KBTBD8: variants seen among roughly 807,000 people sequenced by gnomAD.
The protein encoded by KBTBD8 is kelch repeat and BTB domain containing 8.
Under a neutral mutation model 53.5 loss-of-function variants are expected in KBTBD8, and 31 were observed. The ratio of observed to expected loss-of-function variants is 0.58; its 90% CI spans 0.44 to 0.78. The LOEUF (loss-of-function observed/expected upper bound fraction) is 0.78, where lower values mean the gene tolerates loss of function less well. Ranked by LOEUF, KBTBD8 falls within the 30% of genes least tolerant of loss-of-function variation. The probability of loss-of-function intolerance (pLI) is 0.00; values close to 1 mark genes in which losing one functional copy is unlikely to be tolerated. For synonymous variants in KBTBD8, 250 were observed against 247.3 expected, an observed-to-expected ratio of 1.01 and a Z score of -0.10; for missense variants, 642 against 735.8, an observed-to-expected ratio of 0.87 and a Z score of 1.48.
At chr3:66,998,618 G>A (rs1701984556) in intron 1 of KBTBD8, among the ~76,000 whole-genome samples, 1 of 152,156 alleles carries the variant, frequency 6.6e-6, no homozygotes, top group South Asian at 2.1e-4. Context: ...GCGGCTTGAG[G>A]GGGCACCGGC....
rs1701992218 is a variant in KBTBD8, at chr3:66,999,155, A to G, written c.191A>G (p.His64Arg). ...EVDHGKTFSC[H>R]RNVLAAISPY... ...GATCACGGGAAAACATTTTCCTGTCATAGAAACGTTCTTGCTGCAATCAGC... is the reference window on the plus strand; with the variant it reads ...GATCACGGGAAAACATTTTCCTGTCGTAGAAACGTTCTTGCTGCAATCAGC... Residue 64 changes from histidine (H) to arginine (R), a missense_variant, in exon 2 of 4, where the codon CAT becomes CGT. By Grantham distance (29) the His-to-Arg change is conservative. Transcript: ENST00000417314. 1.2e-6 allele frequency: 2 copies of G among 1,614,108 alleles called. No homozygotes were observed. Among genetic ancestry groups the G allele is most frequent in the African/African-American group, 1.3e-5 (1 of 74,940 alleles).
Position 67,003,667 on chromosome 3 carries a change from G to T in KBTBD8, c.700G>T (p.Glu234Ter). ...EQNEREVHLPEIFAKCIRFPL... is the reference protein window; with the variant it reads ...EQNEREVHLP ...GAATGAAAGAGAAGTGCACCTTCCA[G>T]AAATTTTTGCTAAATGCATACGTTT... The change falls in exon 3 of 4, where the codon GAA becomes TAA. Residue 234 changes from glutamate to a stop codon, truncating the protein, a stop_gained. Transcript: ENST00000417314. LOFTEE classifies it high-confidence loss of function. 6.2e-7 allele frequency: 1 copy of T among 1,614,108 alleles called. No homozygotes were observed. The highest frequency in any genetic ancestry group is 1.1e-5 in the South Asian group (1 of 91,078).
intron 1 of KBTBD8, 28 bp downstream of exon 1, chr3:66,998,399 T>G (rs1480508398): frequency 9.1e-6 from 11 of 1,210,858 alleles, no homozygotes; most frequent in African/African-American, 7.5e-5. Context: ...CAGGGCGGCG[T>G]GGAGGGAGGT....
chr3:67,007,493 A>G (rs1702078756), intron 3 of KBTBD8, among the ~76,000 whole-genome samples: 1 of 151,836 alleles, frequency 6.6e-6, no homozygotes, highest in Non-Finnish European at 1.5e-5. Flanking sequence ...TAATTTTTGT[A>G]TTTTTAATGG....
In KBTBD8 at chr3:67,008,107, A is replaced by T; in HGVS notation, c.1528A>T (p.Thr510Ser). The T allele has an allele frequency of 6.2e-7, 1 of 1,614,062 alleles. No individual in the cohort carries two copies. Among genetic ancestry groups the T allele is most frequent in the Non-Finnish European group, 8.5e-7 (1 of 1,180,006 alleles). ...CTATGATATTGAGCTAAATAAATGG[A>T]CTCGTAAGAAAGACTTTCCATGTGA... ...EAYDIELNKW[T>S]RKKDFPCDQS... is the part of the protein sequence containing the mutation. Residue 510 changes from threonine (T) to serine (S), a missense_variant, in exon 4 of 4, where the codon ACT becomes TCT. Coordinates refer to ENST00000417314, the MANE Select transcript of KBTBD8 (RefSeq NM_032505.3).
Position 67,003,854 on chromosome 3 carries a change from A to C in KBTBD8, c.887A>C (p.Lys296Thr). ...ATCATATGTTTTGATGCTGCCCACAAACACTCAGGAAAGAAGCAAACAGTG... is the reference window on the plus strand; with the variant it reads ...ATCATATGTTTTGATGCTGCCCACACACACTCAGGAAAGAAGCAAACAGTG... ...EMIICFDAAH[K>T]HSGKKQTVPC... The change falls in exon 3 of 4, where the codon AAA becomes ACA. Residue 296 changes from lysine (K) to threonine (T), a missense_variant. By Grantham distance (78) the Lys-to-Thr change is moderately conservative. Coordinates refer to ENST00000417314, the MANE Select transcript of KBTBD8 (RefSeq NM_032505.3). The C allele has an allele frequency of 6.2e-7, 1 of 1,614,230 alleles. No homozygotes were observed. The highest frequency in any genetic ancestry group is 8.5e-7 in the Non-Finnish European group (1 of 1,180,046).
intron 2 of KBTBD8, among the ~76,000 whole-genome samples, chr3:67,002,255 T>C (rs147771294): frequency 1.6e-3 from 238 of 152,284 alleles, no homozygotes; most frequent in African/African-American, 5.3e-3. Context: ...GCAAATGTTC[T>C]CAAAATTTCC....
chr3:67,003,788 A>G lies in KBTBD8; in HGVS notation c.821A>G (p.Asn274Ser), dbSNP rs762531602. 1.6e-5 allele frequency: 26 copies of G among 1,614,060 alleles called. No individual in the cohort carries two copies. Among genetic ancestry groups the G allele is most frequent in the Non-Finnish European group, 2.0e-5 (24 of 1,180,026 alleles). The change falls in exon 3 of 4, where the codon AAT becomes AGT. Residue 274 changes from asparagine to serine, a missense_variant. By Grantham distance (46) the Asn-to-Ser change is conservative. Coordinates refer to ENST00000417314, the MANE Select transcript of KBTBD8 (RefSeq NM_032505.3). ...GTAGAAAAGGGACCATCCAACACCAATGGCTGTACACAGAGGCTTGGAATG... is the reference window on the plus strand; with the variant it reads ...GTAGAAAAGGGACCATCCAACACCAGTGGCTGTACACAGAGGCTTGGAATG... ...SCVEKGPSNT[N>S]GCTQRLGMTA...
Position 67,009,658 on chromosome 3 carries a change from A to AT in KBTBD8, c.*1279dup, listed in dbSNP as rs1236178232. The AT allele has an allele frequency of 5.2e-5, 8 of 152,584 alleles. No homozygotes were observed. The highest frequency in any genetic ancestry group is 3.8e-4 in the East Asian group (2 of 5,198). The allele number at this position is 152,584 out of a possible 1,614,324, so 9.5% of individuals were successfully genotyped here. A position where few individuals can be genotyped will look rare whatever the true frequency, so the allele number is the denominator to read the frequency against. ...ACCATAGCTTTCTAGGTACTAAAGCATTTTTTGCATTTAACTGATGAAATT... is the reference window on the plus strand; with the variant it reads ...ACCATAGCTTTCTAGGTACTAAAGCATTTTTTTGCATTTAACTGATGAAATT... On this transcript the variant is annotated 3_prime_UTR_variant, in exon 4 of 4. Coordinates refer to ENST00000417314, the MANE Select transcript of KBTBD8 (RefSeq NM_032505.3).
chr3:67,003,170 A>G (rs372674250), intron 2 of KBTBD8, 25 bp from the exon 3 acceptor site: 2 of 1,598,506 alleles, frequency 1.3e-6, no homozygotes, highest in Non-Finnish European at 1.7e-6. Flanking sequence ...CACACGTGTA[A>G]TATTAACCAC....
chr3:66,998,349 T>G lies in KBTBD8; in HGVS notation c.-7T>G, dbSNP rs374067910. 6.7e-3 allele frequency: 8,633 copies of G among 1,289,608 alleles called. 37 individuals are homozygous for G. Among genetic ancestry groups the G allele is most frequent in the Non-Finnish European group, 7.8e-3 (7,875 of 1,010,098 alleles). 79.9% of individuals were successfully genotyped at this position (1,289,608 alleles called of 1,614,324 possible). A position where few individuals can be genotyped will look rare whatever the true frequency, so the allele number is the denominator to read the frequency against. On this transcript the variant is annotated 5_prime_UTR_variant, in exon 1 of 4. Coordinates refer to ENST00000417314, the MANE Select transcript of KBTBD8 (RefSeq NM_032505.3). ...TTAAATAGCTGGAGTCGGGGCCCCA[T>G]CGAGAAATGGCCGCGTCGGCAGGTG...
chr3:66,999,913 T>A (rs1559555714), intron 2 of KBTBD8, among the ~76,000 whole-genome samples: 1 of 152,236 alleles, frequency 6.6e-6, no homozygotes, highest in Non-Finnish European at 1.5e-5. Flanking sequence ...ACTATAAAAC[T>A]TTTAAAAGTA....
In KBTBD8 at chr3:67,008,975, C is replaced by T. The variant is rs566710745; in HGVS notation, c.*590C>T. The T allele has an allele frequency of 2.6e-5, 4 of 152,686 alleles. No homozygotes were observed. Among genetic ancestry groups the T allele is most frequent in the Admixed American group, 6.5e-5 (1 of 15,296 alleles). The allele number at this position is 152,686 out of a possible 1,614,324, so 9.5% of individuals were successfully genotyped here. On this transcript the variant is annotated 3_prime_UTR_variant, in exon 4 of 4. Coordinates refer to ENST00000417314, the MANE Select transcript of KBTBD8 (RefSeq NM_032505.3). Reference sequence around the variant, plus strand: ...AAAGAGCTTTTAGTCTGATTGTTTCCATTTCCCATGTAATTTTAAGTTAAG... The same window carrying T: ...AAAGAGCTTTTAGTCTGATTGTTTCTATTTCCCATGTAATTTTAAGTTAAG...
chr3:67,001,819 T>G (rs1299891639), intron 2 of KBTBD8, among the ~76,000 whole-genome samples: 1 of 152,242 alleles, frequency 6.6e-6, no homozygotes, highest in Non-Finnish European at 1.5e-5. Flanking sequence ...ATACTGCATT[T>G]TAAAATTAAT....
chr3:67,002,878 A>G (rs574485484), intron 2 of KBTBD8, among the ~76,000 whole-genome samples: 1 of 152,238 alleles, frequency 6.6e-6, no homozygotes, highest in South Asian at 2.1e-4. Flanking sequence ...AGAACTCTGG[A>G]TAGGGGCTTC....
At chr3:67,006,811 C>G (rs573145034) in intron 3 of KBTBD8, among the ~76,000 whole-genome samples, 1 of 152,324 alleles carries the variant, frequency 6.6e-6, no homozygotes, top group South Asian at 2.1e-4. Context: ...GTTGTACTAT[C>G]TGTGGCTATT....
At chr3:67,004,723 G>T (rs563652105) in intron 3 of KBTBD8, among the ~76,000 whole-genome samples, 1 of 152,266 alleles carries the variant, frequency 6.6e-6, no homozygotes, top group Admixed American at 6.5e-5. Context: ...GTATTCTGTG[G>T]AATTTACTGG....
chr3:67,008,326 C>G lies in KBTBD8; in HGVS notation c.1747C>G (p.Arg583Gly), dbSNP rs760241546. The change falls in exon 4 of 4, where the codon CGG becomes GGG. Residue 583 changes from arginine (R) to glycine (G), a missense_variant. Coordinates refer to ENST00000417314, the MANE Select transcript of KBTBD8 (RefSeq NM_032505.3). ...CCCAGATCGGCTCTGGGACCTTGGC[C>G]GGCATTTTGAATGTGCTGTTGCTAA... ...ETPDRLWDLGRHFECAVAKLY... is the reference protein window; with the variant it reads ...ETPDRLWDLGGHFECAVAKLY... The G allele has an allele frequency of 6.2e-7, 1 of 1,613,494 alleles. No individual in the cohort carries two copies. The highest frequency in any genetic ancestry group is 2.2e-5 in the East Asian group (1 of 44,878).
chr3:67,001,400 C>T lies in KBTBD8; in HGVS notation c.228-1795C>T, dbSNP rs564925614. 2.0e-5 allele frequency among the ~76,000 whole-genome samples: 3 copies of T among 152,222 alleles called. No homozygotes were observed. The South Asian group carries it at 6.2e-4, about 32-fold the overall frequency. ...TGATTATTAGAAATTTTTTGCTGCT[C>T]TGGATTTTGTGTGAGGAAGTGCCCT... is the stretch of plus-strand genomic sequence containing the variant. On this transcript the variant is annotated intron_variant, in intron 2 of 3. Transcript: ENST00000417314.
Sources: gnomAD v4.1 joint callset for allele counts (sites outside exome capture counted in the v4.1 genomes callset) on GRCh38, gnomAD v4.1.1 for gene constraint, MANE v1.5 for transcripts, NCBI Gene and HGNC (gene_info 2026-07-23, HGNC 2026-07-21) for gene names.